The following BMPR2 variants were observed in gnomAD, a reference collection of about 807,000 sequenced individuals.
The protein encoded by BMPR2 is bone morphogenetic protein receptor type-2.
Under a neutral mutation model 100.8 loss-of-function variants are expected in BMPR2, and 29 were observed. The ratio of observed to expected loss-of-function variants is 0.29; its 90% CI spans 0.21 to 0.39. BMPR2 has a LOEUF of 0.39. Among genes scored for constraint, BMPR2 ranks in the 10% least tolerant of loss-of-function variants. The probability of loss-of-function intolerance (pLI) is 1.00; values close to 1 mark genes in which losing one functional copy is unlikely to be tolerated. For missense variants in BMPR2, 1,011 were observed against 1,274.5 expected (o/e 0.79, Z 3.15); for synonymous variants, 382 against 442.3 (o/e 0.86, Z 1.71).
rs35528511 is a variant in BMPR2, at chr2:202,426,568, C to CAAA, written c.77-38221_77-38219dup. Among the ~76,000 whole-genome samples the CAAA allele has an allele frequency of 7.6e-3, 437 of 57,834 alleles. 7 individuals are homozygous for CAAA. The highest frequency in any genetic ancestry group is 0.023 in the African/African-American group (291 of 12,932). 37.9% of individuals were successfully genotyped at this position (57,834 alleles called of 152,430 possible). ...TGGGCGACAGAGCAAGTCTCCGTCT[C>CAAA]AAAAAAAAAAAAAAAAAAAAAAGTA... On this transcript the variant is annotated intron_variant, in intron 1 of 12. Transcript: ENST00000374580.
intron 1 of BMPR2, among the ~76,000 whole-genome samples, chr2:202,386,885 G>A (rs1189735403): frequency 6.6e-6 from 1 of 152,014 alleles, no homozygotes; most frequent in Non-Finnish European, 1.5e-5. Flanking sequence ...GGATTTCACT[G>A]TGTTAGCCAG....
chr2:202,537,493 A>G (rs1339035792), intron 9 of BMPR2, among the ~76,000 whole-genome samples: 3 of 152,150 alleles, frequency 2.0e-5, no homozygotes, highest in African/African-American at 7.2e-5. Context: ...TAGAAATAGA[A>G]CTAGAAGGGG....
chr2:202,419,040 C>T lies in BMPR2; in HGVS notation c.76+41490C>T, dbSNP rs569306294. Among the ~76,000 whole-genome samples the T allele has an allele frequency of 1.6e-4, 25 of 152,170 alleles. No individual in the cohort carries two copies. The Middle Eastern group carries it at 0.01, about 62-fold the overall frequency. ...CACATTATGTAGGGTTAAATAAAAC[C>T]CCTCTGATGAGACTATGGTTTGTAA... On this transcript the variant is annotated intron_variant, in intron 1 of 12. Transcript: ENST00000374580.
chr2:202,398,673 T>C (rs1690701480), intron 1 of BMPR2, among the ~76,000 whole-genome samples: 1 of 152,224 alleles, frequency 6.6e-6, no homozygotes, highest in Non-Finnish European at 1.5e-5. Context: ...AGTAATACTA[T>C]AAGGAGATAT....
chr2:202,404,274 C>T (rs1258264018), intron 1 of BMPR2, among the ~76,000 whole-genome samples: 1 of 151,358 alleles, frequency 6.6e-6, no homozygotes, highest in Non-Finnish European at 1.5e-5. Flanking sequence ...TCACTGCAAC[C>T]TCCACCTCCC....
chr2:202,548,965 C>T (rs1688423271), intron 10 of BMPR2, among the ~76,000 whole-genome samples: 1 of 152,118 alleles, frequency 6.6e-6, no homozygotes, highest in Admixed American at 6.5e-5. Context: ...AAACCATCAT[C>T]ACAGTCATGA....
chr2:202,450,768 A>G (rs1691963355), intron 1 of BMPR2, among the ~76,000 whole-genome samples: 1 of 152,008 alleles, frequency 6.6e-6, no homozygotes, highest in South Asian at 2.1e-4. Context: ...ATATACTTAA[A>G]TTTAGAAATT....
At chr2:202,482,782 A>G (rs372877553) in intron 3 of BMPR2, among the ~76,000 whole-genome samples, 10 of 151,912 alleles carry the variant, frequency 6.6e-5, no homozygotes, top group African/African-American at 2.4e-4. Context: ...CTTGTGATTC[A>G]CCTGCCTCGG....
At chr2:202,400,254 A>G (rs7573030) in intron 1 of BMPR2, among the ~76,000 whole-genome samples, 76,292 of 151,512 alleles carry the variant, frequency 0.5, 19,787 homozygotes, top group African/African-American at 0.61. Context: ...CCATCCTCCT[A>G]CTTCAGCCTC....
intron 12 of BMPR2, among the ~76,000 whole-genome samples, chr2:202,557,479 ACACACACAC>A (rs1688598502): frequency 6.8e-6 from 1 of 147,502 alleles, no homozygotes; most frequent in Non-Finnish European, 1.5e-5. Context: ...ACACACACAC[ACACACACAC>A]ACACACACAC....
At chr2:202,380,391 A>C (rs544989521) in intron 1 of BMPR2, among the ~76,000 whole-genome samples, 1 of 152,308 alleles carries the variant, frequency 6.6e-6, no homozygotes, top group African/African-American at 2.4e-5. Flanking sequence ...AGATTAATCT[A>C]ATGTTAGTGA....
intron 1 of BMPR2, among the ~76,000 whole-genome samples, chr2:202,392,009 C>G (rs1434363371): frequency 1.3e-5 from 2 of 151,956 alleles, no homozygotes; most frequent in Non-Finnish European, 2.9e-5. Context: ...ATCTGCCCAC[C>G]TTGGCCTCCC....
chr2:202,458,283 C>CAAAAA lies in BMPR2; in HGVS notation c.77-6505_77-6501dup, dbSNP rs71035009. Among the ~76,000 whole-genome samples the CAAAAA allele has an allele frequency of 2.0e-3, 107 of 52,298 alleles. 8 individuals carry two copies. Among genetic ancestry groups the CAAAAA allele is most frequent in the African/African-American group, 7.4e-3 (98 of 13,330 alleles). The allele number at this position is 52,298 out of a possible 152,430, so 34.3% of individuals were successfully genotyped here. A position where few individuals can be genotyped will look rare whatever the true frequency, so the allele number is the denominator to read the frequency against. On this transcript the variant is annotated intron_variant, in intron 1 of 12. Transcript: ENST00000374580. ...GCAACATAGCAAGACCTTGTCTCTG[C>CAAAAA]AAAAAAAAAAAAAAAAAAAAAAAAA...
chr2:202,526,365 A>C (rs1339458005), intron 7 of BMPR2, among the ~76,000 whole-genome samples: 4 of 152,200 alleles, frequency 2.6e-5, no homozygotes, highest in Admixed American at 2.0e-4. Context: ...AGAGAACTTT[A>C]ATATATCAGT....
chr2:202,446,339 G>A (rs972284097), intron 1 of BMPR2, among the ~76,000 whole-genome samples: 2 of 150,116 alleles, frequency 1.3e-5, no homozygotes, highest in Admixed American at 1.3e-4. Context: ...CAGAAGTTGT[G>A]GTGAGCCAAG....
chr2:202,529,374 G>A (rs1295194129), intron 7 of BMPR2, among the ~76,000 whole-genome samples: 1 of 152,188 alleles, frequency 6.6e-6, no homozygotes, highest in African/African-American at 2.4e-5. Context: ...AAATTAAAAT[G>A]AGTACAGAGG....
chr2:202,392,150 G>A (rs1329573978), intron 1 of BMPR2, among the ~76,000 whole-genome samples: 3 of 147,910 alleles, frequency 2.0e-5, no homozygotes, highest in Non-Finnish European at 4.5e-5. Context: ...GGCTCACTGC[G>A]ACCTCCGCCT....
Position 202,439,230 on chromosome 2 carries a change from A to G in BMPR2, c.77-25579A>G, listed in dbSNP as rs1691681010. On this transcript the variant is annotated intron_variant, in intron 1 of 12. Coordinates refer to ENST00000374580, the MANE Select transcript of BMPR2 (RefSeq NM_001204.7). ...TTTTGTTCTTTTGATGCTATTATGA[A>G]TGGGCTCATTTTCTTAATTTCGCAT... Among the ~76,000 whole-genome samples, 3 of 149,904 alleles carry G rather than the reference A, an allele frequency of 2.0e-5. 1 individual carries two copies. Among genetic ancestry groups the G allele is most frequent in the African/African-American group, 7.6e-5 (3 of 39,444 alleles).
chr2:202,533,349 C>T (rs532828329), intron 9 of BMPR2, among the ~76,000 whole-genome samples: 18 of 151,670 alleles, frequency 1.2e-4, no homozygotes, highest in African/African-American at 3.1e-4. Flanking sequence ...GTCAGGAGTT[C>T]GAGACCAACC....
Sources: allele counts gnomAD v4.1 joint callset (sites outside exome capture counted in the v4.1 genomes callset), GRCh38; gene constraint gnomAD v4.1.1; transcripts MANE v1.5; gene names NCBI Gene and HGNC (gene_info 2026-07-23, HGNC 2026-07-21).